The following RAB22A variants were observed in gnomAD, a reference collection of about 807,000 sequenced individuals.
The protein encoded by RAB22A is ras-related protein Rab-22A.
A neutral mutation model predicts 30.2 loss-of-function variants in RAB22A; 13 were observed. The ratio of observed to expected loss-of-function variants is 0.43; its 90% confidence interval spans 0.28 to 0.68. The LOEUF is 0.68. RAB22A is among the 30% of genes least tolerant of loss of function. The pLI, the probability that RAB22A is intolerant of heterozygous loss-of-function variation, is 0.18. For synonymous variants in RAB22A, 89 were observed against 87.2 expected (o/e 1.02, Z -0.11); for missense variants, 177 against 246.8 (o/e 0.72, Z 1.89).
At chr20:58,315,500 CTG>C (rs1986318484) in intron 2 of RAB22A, among the ~76,000 whole-genome samples, 1 of 152,128 alleles carries the variant, frequency 6.6e-6, no homozygotes, top group Admixed American at 6.5e-5. Flanking sequence ...AGGGCCTTGA[CTG>C]TGTGCTAGCA....
intron 2 of RAB22A, among the ~76,000 whole-genome samples, chr20:58,327,511 T>C (rs489355): frequency 0.53 from 81,150 of 152,002 alleles, 23,044 homozygotes; most frequent in African/African-American, 0.73. Flanking sequence ...AGTGTCCTCA[T>C]AACAAAGTAG....
chr20:58,330,154 TGTGA>T (rs972868650), intron 2 of RAB22A, among the ~76,000 whole-genome samples: 50 of 152,320 alleles, frequency 3.3e-4, no homozygotes, highest in Admixed American at 2.5e-3. Context: ...ATACAACAGT[TGTGA>T]GTATTTGCAA....
intron 6 of RAB22A, among the ~76,000 whole-genome samples, chr20:58,356,703 A>G (rs1456073287): frequency 6.6e-6 from 1 of 152,060 alleles, no homozygotes; most frequent in African/African-American, 2.4e-5. Flanking sequence ...TTTTACATAT[A>G]TTTTGTACTT....
At chr20:58,316,745 G>A (rs571562395) in intron 2 of RAB22A, among the ~76,000 whole-genome samples, 1 of 152,316 alleles carries the variant, frequency 6.6e-6, no homozygotes, top group African/African-American at 2.4e-5. Context: ...TAGACACCTA[G>A]GGACTGTCCA....
intron 2 of RAB22A, among the ~76,000 whole-genome samples, chr20:58,341,209 C>G (rs1442909028): frequency 1.3e-5 from 2 of 152,114 alleles, no homozygotes; most frequent in African/African-American, 2.4e-5. Context: ...AGCTGTTGTC[C>G]TGAAGAGACA....
intron 5 of RAB22A, among the ~76,000 whole-genome samples, chr20:58,353,910 T>G (rs1209914633): frequency 1.3e-5 from 2 of 152,204 alleles, no homozygotes; most frequent in Non-Finnish European, 2.9e-5. Context: ...AAATTTTGGC[T>G]GGGGAAGAAA....
intron 3 of RAB22A, among the ~76,000 whole-genome samples, chr20:58,352,422 A>G (rs1987067546): frequency 6.6e-6 from 1 of 152,226 alleles, no homozygotes; most frequent in Non-Finnish European, 1.5e-5. Flanking sequence ...GTCAGGGTGC[A>G]AGACGAAAAT....
intron 2 of RAB22A, among the ~76,000 whole-genome samples, chr20:58,316,077 C>A (rs1366508787): frequency 2.0e-5 from 3 of 152,164 alleles, no homozygotes; most frequent in Non-Finnish European, 4.4e-5. Context: ...AGGGCCCTTT[C>A]TTTTCCTTGT....
chr20:58,330,485 A>T (rs770150467), intron 2 of RAB22A, among the ~76,000 whole-genome samples: 1 of 150,182 alleles, frequency 6.7e-6, no homozygotes, highest in Non-Finnish European at 1.5e-5. Flanking sequence ...ATTTTCTTGG[A>T]TTATCTAGTA....
chr20:58,322,048 G>C (rs978708991), intron 2 of RAB22A, among the ~76,000 whole-genome samples: 5 of 152,326 alleles, frequency 3.3e-5, no homozygotes, highest in Non-Finnish European at 7.3e-5. Flanking sequence ...TCCTCCTGCT[G>C]TGGCTTCACA....
At chr20:58,344,063 T>C (rs928247690) in intron 3 of RAB22A, among the ~76,000 whole-genome samples, 2 of 152,214 alleles carry the variant, frequency 1.3e-5, no homozygotes, top group African/African-American at 4.8e-5. Flanking sequence ...ACAGGCCTGA[T>C]AAAATCCCAC....
chr20:58,346,814 T>A (rs547800497), intron 3 of RAB22A, among the ~76,000 whole-genome samples: 2 of 152,196 alleles, frequency 1.3e-5, no homozygotes, highest in African/African-American at 4.8e-5. Flanking sequence ...GCAAATAAAC[T>A]CTTTGGAGTA....
chr20:58,317,689 G>T lies in RAB22A; in HGVS notation c.116+6567G>T, dbSNP rs1037799468. 5.3e-5 allele frequency among the ~76,000 whole-genome samples: 8 copies of T among 151,014 alleles called. No homozygotes were observed. The East Asian group carries it at 1.6e-3, about 30-fold the overall frequency. ...TTCTCCTGCCTCAGCCTCCCGAGTA[G>T]CTGGGACTACAGGCACCCGCCACCA... On this transcript the variant is annotated intron_variant, in intron 2 of 6. Transcript: ENST00000244040.
At chr20:58,349,744 A>G (rs1409835974) in intron 3 of RAB22A, among the ~76,000 whole-genome samples, 1 of 152,134 alleles carries the variant, frequency 6.6e-6, no homozygotes, top group Non-Finnish European at 1.5e-5. Flanking sequence ...AGACCAACCA[A>G]TCTCAGGATG....
chr20:58,359,567 TTA>T (rs1568683487), intron 6 of RAB22A, 37 bp from the exon 7 acceptor site: 1 of 1,470,298 alleles, frequency 6.8e-7, no homozygotes, highest in South Asian at 1.2e-5. Context: ...TCTGAGAAAG[TTA>T]AAGCTCACTC....
At chr20:58,358,739 A>G (rs1289142041) in intron 6 of RAB22A, among the ~76,000 whole-genome samples, 1 of 152,136 alleles carries the variant, frequency 6.6e-6, no homozygotes, top group Non-Finnish European at 1.5e-5. Context: ...TACTAAAAAT[A>G]TAAAAATTAG....
At chr20:58,339,070 T>A (rs1222767923) in intron 2 of RAB22A, among the ~76,000 whole-genome samples, 1 of 152,254 alleles carries the variant, frequency 6.6e-6, no homozygotes, top group Non-Finnish European at 1.5e-5. Flanking sequence ...ACAAGTCTAC[T>A]GCAGTTAAAG....
rs1987250409 is a variant in RAB22A at position 58,362,877 on chromosome 20, GAGCGCCTCCTC to G, written c.*3175_*3185del. On this transcript the variant is annotated 3_prime_UTR_variant, in exon 7 of 7. Transcript: ENST00000244040. ...ATCGGGACTTTTGTGTGAGAGGCTT[GAGCGCCTCCTC>G]TATGTGGGCTGGTGTCCTTCTTGAA... The G allele has an allele frequency of 1.3e-5, 2 of 152,180 alleles. No homozygotes were observed. The highest frequency in any genetic ancestry group is 4.8e-5 in the African/African-American group (2 of 41,436). The allele number at this position is 152,180 out of a possible 1,614,324, so 9.4% of individuals were successfully genotyped here. A position where few individuals can be genotyped will look rare whatever the true frequency, so the allele number is the denominator to read the frequency against.
At chr20:58,312,612 C>G (rs987203726) in intron 2 of RAB22A, among the ~76,000 whole-genome samples, 4 of 149,800 alleles carry the variant, frequency 2.7e-5, no homozygotes, top group African/African-American at 7.4e-5. Context: ...CCTCAGCCTC[C>G]CGAGTAGCTG....
Sources: gnomAD v4.1 joint callset for allele counts (sites outside exome capture counted in the v4.1 genomes callset) on GRCh38, gnomAD v4.1.1 for gene constraint, MANE v1.5 for transcripts, NCBI Gene and HGNC (gene_info 2026-07-23, HGNC 2026-07-21) for gene names.